Variants in FAM107B observed in about 807,000 individuals in gnomAD.
FAM107B encodes family with sequence similarity 107 member B.
In FAM107B, 21 loss-of-function variants were observed where a neutral mutation model predicts 31.5. The observed-to-expected ratio is 0.67, with a 90% confidence interval of 0.47 to 0.96. FAM107B has a LOEUF of 0.96. FAM107B is among the 40% of genes least tolerant of loss of function. The pLI is 0.00. For synonymous variants in FAM107B, 157 were observed against 141.5 expected (o/e 1.11, Z -0.78); for missense variants, 452 against 377.1 (o/e 1.20, Z -1.64).
intron 2 of FAM107B, among the ~76,000 whole-genome samples, chr10:14,628,506 G>A (rs1853235720): frequency 1.3e-5 from 2 of 152,164 alleles, no homozygotes; most frequent in South Asian, 4.1e-4. Context: ...ACTAGGAATG[G>A]AAACCCCAAC....
At chr10:14,651,221 A>G (rs139521502) in intron 2 of FAM107B, among the ~76,000 whole-genome samples, 113 of 152,352 alleles carry the variant, frequency 7.4e-4, no homozygotes, top group African/African-American at 2.5e-3. Context: ...AGCTTGGGCT[A>G]TAACTGCACT....
chr10:14,632,889 A>G (rs1019797561), intron 2 of FAM107B, among the ~76,000 whole-genome samples: 1 of 151,934 alleles, frequency 6.6e-6, no homozygotes, highest in African/African-American at 2.4e-5. Flanking sequence ...TGCAGGAATG[A>G]GCAATGATTT....
chr10:14,645,817 A>G (rs1477324174), intron 2 of FAM107B, among the ~76,000 whole-genome samples: 3 of 152,224 alleles, frequency 2.0e-5, no homozygotes, highest in African/African-American at 7.2e-5. Flanking sequence ...TGGCTGACAT[A>G]TGTCAAGTTC....
intron 3 of FAM107B, among the ~76,000 whole-genome samples, chr10:14,529,196 A>G (rs529507925): frequency 1.3e-5 from 2 of 152,238 alleles, no homozygotes; most frequent in African/African-American, 4.8e-5. Flanking sequence ...TGCTTTGGCC[A>G]TAATAATACC....
intron 2 of FAM107B, among the ~76,000 whole-genome samples, chr10:14,553,018 G>A (rs1251278305): frequency 1.3e-5 from 2 of 152,150 alleles, no homozygotes; most frequent in Admixed American, 1.3e-4. Flanking sequence ...AATGTACATT[G>A]GATGAGCTTG....
Position 14,617,785 on chromosome 10 carries a change from G to A in FAM107B, c.469+49849C>T, listed in dbSNP as rs536508394. Among the ~76,000 whole-genome samples, 195 of 149,468 alleles carry A rather than the reference G, an allele frequency of 1.3e-3. 1 individual carries two copies. The highest frequency in any genetic ancestry group is 2.4e-3 in the Non-Finnish European group (162 of 67,566). On this transcript the variant is annotated intron_variant, in intron 2 of 4. Transcript: ENST00000181796. Reference sequence around the variant, plus strand: ...AAAAAAAAAAAAAAGGCCTGAGACAGGCCCATGACCCAGAGTTTGGTGCCT... The same window carrying A: ...AAAAAAAAAAAAAAGGCCTGAGACAAGCCCATGACCCAGAGTTTGGTGCCT...
intron 1 of FAM107B, among the ~76,000 whole-genome samples, chr10:14,721,866 T>A (rs557768547): frequency 5.0e-4 from 76 of 152,322 alleles, no homozygotes; most frequent in Non-Finnish European, 6.0e-4. Context: ...CCCATTTGTC[T>A]ATTTTGGCTT....
chr10:14,707,514 A>G (rs971525754), intron 1 of FAM107B, among the ~76,000 whole-genome samples: 1 of 152,172 alleles, frequency 6.6e-6, no homozygotes, highest in East Asian at 1.9e-4. Context: ...GAGACTGACG[A>G]GAGGTGAATC....
intron 2 of FAM107B, among the ~76,000 whole-genome samples, chr10:14,667,250 A>G (rs1854425398): frequency 6.6e-6 from 1 of 152,218 alleles, no homozygotes; most frequent in Admixed American, 6.5e-5. Flanking sequence ...AAACATAAAA[A>G]AAACCCCAGC....
intron 2 of FAM107B, among the ~76,000 whole-genome samples, chr10:14,605,365 A>G (rs1255115633): frequency 6.6e-6 from 1 of 152,216 alleles, no homozygotes; most frequent in Non-Finnish European, 1.5e-5. Flanking sequence ...CAGGGACTGA[A>G]ACAGTTATCG....
At chr10:14,556,864 C>T (rs1000526837) in intron 2 of FAM107B, among the ~76,000 whole-genome samples, 13 of 152,274 alleles carry the variant, frequency 8.5e-5, no homozygotes, top group African/African-American at 3.1e-4. Flanking sequence ...GCCCTCACTC[C>T]CCACCTGATC....
At chr10:14,763,995 G>A (rs1315235813) in intron 1 of FAM107B, among the ~76,000 whole-genome samples, 2 of 152,224 alleles carry the variant, frequency 1.3e-5, no homozygotes, top group African/African-American at 4.8e-5. Context: ...AGCGTGGTCA[G>A]GAATTCCTGG....
At chr10:14,767,095 G>GAGAGAC (rs1179153610) in intron 1 of FAM107B, among the ~76,000 whole-genome samples, 3 of 113,510 alleles carry the variant, frequency 2.6e-5, no homozygotes, top group South Asian at 2.9e-4. Context: ...GAGAGAGAGA[G>GAGAGAC]AGAGACAGAG....
At position 14,610,102 on chromosome 10, in the gene FAM107B, C is replaced by T. The variant is rs561081877; in HGVS notation, c.469+57532G>A. On this transcript the variant is annotated intron_variant, in intron 2 of 4. Coordinates refer to ENST00000181796, the MANE Select transcript of FAM107B (RefSeq NM_031453.4). ...CTCACGCCTGTAATTCCAGCACTTC[C>T]GGAGGCCGAGGCGGGTGGATCACGA... 5.1e-4 allele frequency among the ~76,000 whole-genome samples: 78 copies of T among 152,246 alleles called. 1 individual carries two copies. The South Asian group carries it at 0.014, about 28-fold the overall frequency.
At chr10:14,646,958 T>A (rs1354919390) in intron 2 of FAM107B, among the ~76,000 whole-genome samples, 1 of 151,962 alleles carries the variant, frequency 6.6e-6, no homozygotes, top group Admixed American at 6.5e-5. Flanking sequence ...CAGGCCTGGC[T>A]AATTTTTTTG....
intron 2 of FAM107B, among the ~76,000 whole-genome samples, chr10:14,618,875 G>A (rs1455942970): frequency 6.6e-6 from 1 of 152,102 alleles, no homozygotes; most frequent in Non-Finnish European, 1.5e-5. Flanking sequence ...TTAAGATGAG[G>A]TCATATTGGA....
At chr10:14,766,043 G>T (rs1833154648) in intron 1 of FAM107B, among the ~76,000 whole-genome samples, 1 of 152,118 alleles carries the variant, frequency 6.6e-6, no homozygotes, top group Admixed American at 6.5e-5. Context: ...CCCAAGTCTT[G>T]GCTTCTAGAC....
intron 1 of FAM107B, among the ~76,000 whole-genome samples, chr10:14,712,719 G>A (rs1855681485): frequency 6.6e-6 from 1 of 152,108 alleles, no homozygotes; most frequent in East Asian, 1.9e-4. Flanking sequence ...GCTGGGAAGA[G>A]GTTTTAAAAA....
intron 2 of FAM107B, among the ~76,000 whole-genome samples, chr10:14,559,717 G>A (rs752441326): frequency 4.0e-5 from 6 of 149,314 alleles, no homozygotes; most frequent in African/African-American, 7.4e-5. Context: ...GACTACAGGC[G>A]CCAGCCACCG....
Sources: gnomAD v4.1 joint callset for allele counts (sites outside exome capture counted in the v4.1 genomes callset) on GRCh38, gnomAD v4.1.1 for gene constraint, MANE v1.5 for transcripts, NCBI Gene and HGNC (gene_info 2026-07-23, HGNC 2026-07-21) for gene names.